MED23: variants seen among roughly 807,000 people sequenced by gnomAD.
MED23 encodes the protein mediator complex subunit 23, also known as mediator of RNA polymerase II transcription subunit 23.
MED23 carries 105 observed loss-of-function variants against 163.9 expected under a neutral mutation model. The ratio of observed to expected loss-of-function variants is 0.64; its 90% CI spans 0.55 to 0.75. The LOEUF is 0.75. MED23 is among the 30% of genes least tolerant of loss of function. The pLI, the probability that MED23 is intolerant of heterozygous loss-of-function variation, is 0.00. For missense variants in MED23, 1,054 were observed against 1,649.0 expected, an observed-to-expected ratio of 0.64 and a Z score of 6.25; for synonymous variants, 561 against 565.6, an observed-to-expected ratio of 0.99 and a Z score of 0.12.
downstream of MED23, among the ~76,000 whole-genome samples, chr6:131,585,011 AC>A (rs1157823600): frequency 6.0e-5 from 9 of 149,872 alleles, no homozygotes; most frequent in South Asian, 2.1e-4. Context: ...AAAAAAAAAA[AC>A]CAACCATATT....
At chr6:131,600,749 A>T (rs1775411151) in intron 17 of MED23, among the ~76,000 whole-genome samples, 1 of 152,108 alleles carries the variant, frequency 6.6e-6, no homozygotes, top group African/African-American at 2.4e-5. Context: ...AAAAGATATC[A>T]GGCTTTTTCA....
intron 16 of MED23, among the ~76,000 whole-genome samples, 191 bp downstream of exon 16, chr6:131,602,839 A>G (rs990176982): frequency 5.3e-5 from 8 of 152,146 alleles, no homozygotes; most frequent in African/African-American, 1.7e-4. Context: ...AACTATCTTA[A>G]TCAGTTTCTA....
intron 30 of MED23, chr6:131,581,294 T>G: frequency 1.2e-6 from 2 of 1,613,896 alleles, no homozygotes; most frequent in Non-Finnish European, 1.7e-6. Context: ...ATGCTCACAC[T>G]GATATCAACA....
rs763887065 is a variant in MED23 at position 131,620,648 on chromosome 6, C to T, written c.577G>A (p.Glu193Lys). The T allele has an allele frequency of 1.9e-6, 3 of 1,612,128 alleles. No individual in the cohort carries two copies. The highest frequency in any genetic ancestry group is 1.7e-4 in the Middle Eastern group (1 of 5,836). Reference sequence around the variant, plus strand: ...TTTACCCAGTGTGGAAGTTTGCCTTCAGGATACAGTTTCCTGATCTCAGTG... The same window carrying T: ...TTTACCCAGTGTGGAAGTTTGCCTTTAGGATACAGTTTCCTGATCTCAGTG... Reference protein sequence around the residue: ...AVTEIRKLYPEGKLPHWLLGN... With the variant: ...AVTEIRKLYPKGKLPHWLLGN... Residue 193 changes from glutamate (E) to lysine (K), a missense_variant, in exon 7 of 29, where the codon GAA becomes AAA. Glu to Lys is a moderately conservative substitution (Grantham distance 56). Around this residue, in one of 11 missense-constraint regions of MED23, gnomAD observed 227 missense variants for 235.5 expected, o/e 0.96. Transcript: ENST00000368068.
chr6:131,611,236 G>T (rs1329137916), intron 10 of MED23, among the ~76,000 whole-genome samples: 1 of 151,988 alleles, frequency 6.6e-6, no homozygotes, highest in African/African-American at 2.4e-5. Flanking sequence ...GGAAAAAAAT[G>T]CAAAATGGGG....
Position 131,627,676 on chromosome 6 carries a change from T to TAAAAAA in MED23, c.40-10_40-5dup. On this transcript the variant is annotated splice_region_variant and splice_polypyrimidine_tract_variant and intron_variant, in intron 1 of 28. Coordinates refer to ENST00000368068, the MANE Select transcript of MED23 (RefSeq NM_004830.4). ...CCTCTTCTATAACTTCCGTTTTCTGTAAAAAAAAAAAAAACAAAATGTAAA... is the reference window on the plus strand; with the variant it reads ...CCTCTTCTATAACTTCCGTTTTCTGTAAAAAAAAAAAAAAAAAAAACAAAATGTAAA... 4.8e-6 allele frequency: 7 copies of TAAAAAA among 1,458,942 alleles called. No homozygotes were observed. The highest frequency in any genetic ancestry group is 2.3e-5 in the East Asian group (1 of 43,046). The allele number at this position is 1,458,942 out of a possible 1,614,324, so 90.4% of individuals were successfully genotyped here. A position where few individuals can be genotyped will look rare whatever the true frequency, so the allele number is the denominator to read the frequency against.
chr6:131,591,671 G>T (rs2114592909), intron 25 of MED23, 144 bp from the exon 26 acceptor site: 1 of 673,092 alleles, frequency 1.5e-6, no homozygotes, highest in Middle Eastern at 4.0e-4. Flanking sequence ...TTTGTAACTG[G>T]TCAAATTAAG....
At position 131,602,363 on chromosome 6, in the gene MED23, G is replaced by T; in HGVS notation, c.1950C>A (p.Leu650=). ...AGCTACCTAATGCTGTTATAAGCCTGAGAGCAGTGCTCTCGACACTGAAAA... is the reference window on the plus strand; with the variant it reads ...AGCTACCTAATGCTGTTATAAGCCTTAGAGCAGTGCTCTCGACACTGAAAA... The part of the protein sequence containing the change: ...QLHLCVESTA[L]RLITALGSSE... The change falls in exon 17 of 29, where the codon CTC becomes CTA. Residue 650 remains leucine, a synonymous_variant. Coordinates refer to ENST00000368068, the MANE Select transcript of MED23 (RefSeq NM_004830.4). 6.2e-7 allele frequency: 1 copy of T among 1,613,694 alleles called. No homozygotes were observed. The highest frequency in any genetic ancestry group is 8.5e-7 in the Non-Finnish European group (1 of 1,179,730).
rs764288017 is a variant in MED23, at chr6:131,621,832, T to C, written c.495+49A>G. On this transcript the variant is annotated intron_variant, in intron 6 of 28. Transcript: ENST00000368068. ...TTAAAAGCACAGACCTAAACAAAGC[T>C]AGACTTTTTTGAGGTTATGATCACG... 3 of 1,314,892 alleles carry C rather than the reference T, an allele frequency of 2.3e-6. No homozygotes were observed. The African/African-American group carries it at 4.4e-5, about 19-fold the overall frequency. 81.5% of individuals were successfully genotyped at this position (1,314,892 alleles called of 1,614,324 possible).
At chr6:131,594,833 C>A (rs199915633) in intron 22 of MED23, among the ~76,000 whole-genome samples, 222 of 72,180 alleles carry the variant, frequency 3.1e-3, no homozygotes, top group Middle Eastern at 7.6e-3. Flanking sequence ...AACAAACAAA[C>A]AAACAAAACC....
At chr6:131,597,719 A>G (rs1254500328) in intron 20 of MED23, among the ~76,000 whole-genome samples, 1 of 152,084 alleles carries the variant, frequency 6.6e-6, no homozygotes, top group Non-Finnish European at 1.5e-5. Context: ...GACCACATCT[A>G]TTTTATTTAC....
chr6:131,577,048 T>C (rs777474086), intron 30 of MED23, among the ~76,000 whole-genome samples: 16 of 151,958 alleles, frequency 1.1e-4, no homozygotes, highest in Non-Finnish European at 2.1e-4. Context: ...GAAGGCAAGG[T>C]GCAGCAGGAA....
At chr6:131,622,601 T>C (rs1777190956) in intron 5 of MED23, among the ~76,000 whole-genome samples, 1 of 152,206 alleles carries the variant, frequency 6.6e-6, no homozygotes. Context: ...ACAGAACATA[T>C]ACCTAAAAGA....
In MED23 at chr6:131,591,473, TG is replaced by T; in HGVS notation, c.3525del (p.Ser1176AlafsTer2). ...ACCCACTCTGTTTCAGACGTCAAGC[TG>T]GGGCTGCTGATGACACTCACAATTC... is the stretch of plus-strand genomic sequence containing the variant. The part of the protein sequence containing the change: ...HDRIVSVISS[P>X]SLTSETEWVG... On this transcript the variant is annotated frameshift_variant, in exon 26 of 29. Coordinates refer to ENST00000368068, the MANE Select transcript of MED23 (RefSeq NM_004830.4). LOFTEE classifies it high-confidence loss of function. 6.2e-7 allele frequency: 1 copy of T among 1,613,920 alleles called. No homozygotes were observed. Among genetic ancestry groups the T allele is most frequent in the Non-Finnish European group, 8.5e-7 (1 of 1,179,850 alleles).
Position 131,588,106 on chromosome 6 carries a change from A to C in MED23, c.3940-260T>G, listed in dbSNP as rs148517659. ...CTGTACATGTACCATATGTATATTC[A>C]TATATATGCATATACTTACAAAGGC... On this transcript the variant is annotated intron_variant, in intron 28 of 28. Transcript: ENST00000368068. Among the ~76,000 whole-genome samples, 53 of 152,320 alleles carry C rather than the reference A, an allele frequency of 3.5e-4. No individual in the cohort carries two copies. The East Asian group carries it at 9.8e-3, about 28-fold the overall frequency.
At chr6:131,609,455 T>G (rs1382460281) in intron 11 of MED23, among the ~76,000 whole-genome samples, 1 of 151,508 alleles carries the variant, frequency 6.6e-6, no homozygotes, top group Non-Finnish European at 1.5e-5. Context: ...AGTGTTAGCT[T>G]AAAGATCTCT....
At chr6:131,606,272 A>T (rs1775847628) in intron 13 of MED23, among the ~76,000 whole-genome samples, 2 of 152,140 alleles carry the variant, frequency 1.3e-5, no homozygotes, top group Non-Finnish European at 2.9e-5. Flanking sequence ...AAATCTATAC[A>T]TATAAGCAAG....
At chr6:131,602,978 C>T in intron 16 of MED23, 52 bp downstream of exon 16, 1 of 1,574,460 alleles carries the variant, frequency 6.4e-7, no homozygotes, top group Non-Finnish European at 8.7e-7. Flanking sequence ...AACCTCATCT[C>T]CAAGAAAGTT....
intron 3 of MED23, among the ~76,000 whole-genome samples, chr6:131,625,266 G>A (rs1482077103): frequency 6.6e-6 from 1 of 152,062 alleles, no homozygotes; most frequent in Non-Finnish European, 1.5e-5. Flanking sequence ...ACATATTAAC[G>A]GTCAATAGAA....
Sources: allele counts gnomAD v4.1 joint callset (sites outside exome capture counted in the v4.1 genomes callset), GRCh38; gene constraint gnomAD v4.1.1; regional missense constraint gnomAD v4.1.1; transcripts MANE v1.5; gene names NCBI Gene and HGNC (gene_info 2026-07-23, HGNC 2026-07-21).